Variants in KLF8 observed in about 807,000 individuals in gnomAD.
KLF8 encodes Krueppel-like factor 8.
In KLF8, 10 loss-of-function variants were observed where a neutral mutation model predicts 18.2. That is an observed-to-expected ratio of 0.55 (90% CI 0.34 to 0.93). The LOEUF (loss-of-function observed/expected upper bound fraction) is 0.93, where lower values mean the gene tolerates loss of function less well. Ranked by LOEUF, KLF8 falls within the 40% of genes least tolerant of loss-of-function variation. The probability of loss-of-function intolerance (pLI) is 0.02; values close to 1 mark genes in which losing one functional copy is unlikely to be tolerated. For missense variants in KLF8, 264 were observed against 277.9 expected (o/e 0.95, Z 0.36); for synonymous variants, 109 against 97.3 (o/e 1.12, Z -0.71).
At chrX:56,017,573 AG>A in the KLF8 span, among the ~76,000 whole-genome samples, 1 of 112,125 alleles carries the variant, frequency 8.9e-6, no homozygotes, top group African/African-American at 3.2e-5. Flanking sequence ...AAAGTGAGCA[AG>A]TATTCCCCCA....
At chrX:55,916,062 C>T in the KLF8 span, among the ~76,000 whole-genome samples, 4 of 111,670 alleles carry the variant, frequency 3.6e-5, no homozygotes, top group East Asian at 1.1e-3. Flanking sequence ...GTTCCAATTC[C>T]CAAATCACAA....
At chrX:55,949,118 T>C in the KLF8 span, among the ~76,000 whole-genome samples, 2 of 112,057 alleles carry the variant, frequency 1.8e-5, no homozygotes, top group Non-Finnish European at 3.8e-5. Context: ...GCAAGGCAAA[T>C]ACATCAAGAC....
At chrX:56,202,559 T>TCTCCC in the KLF8 span, among the ~76,000 whole-genome samples, 1 of 75,803 alleles carries the variant, frequency 1.3e-5, no homozygotes, top group Non-Finnish European at 2.6e-5. Context: ...CCATTAACCT[T>TCTCCC]CCCCCCCCCT....
At chrX:56,103,431 C>T in the KLF8 span, among the ~76,000 whole-genome samples, 19 of 111,439 alleles carry the variant, frequency 1.7e-4, no homozygotes, top group South Asian at 7.3e-3. Context: ...CTTCACATCC[C>T]TTGTTAGTTG....
the KLF8 span, chrX:56,014,817 GTTTTTTTTTTTTT>G: frequency 1.7e-5 from 1 of 59,348 alleles, no homozygotes; most frequent in African/African-American, 7.2e-5. Flanking sequence ...ACAAGATCAT[GTTTTTTTTTTTTT>G]TTTTTTTTTT....
At chrX:56,240,906 A>G (rs1336745220) in intron 1 of KLF8, among the ~76,000 whole-genome samples, 1 of 111,797 alleles carries the variant, frequency 8.9e-6, no homozygotes, top group Non-Finnish European at 1.9e-5. Context: ...AAAATTAAAT[A>G]TGTCCCATTA....
chrX:56,242,972 C>A, intron 1 of KLF8: 1 of 473,515 alleles, frequency 2.1e-6, no homozygotes, highest in Non-Finnish European at 3.9e-6. Context: ...ACATCCAAAG[C>A]ATTGTAATCA....
At chrX:56,090,681 A>G in the KLF8 span, among the ~76,000 whole-genome samples, 1 of 111,296 alleles carries the variant, frequency 9.0e-6, no homozygotes, top group East Asian at 2.8e-4. Flanking sequence ...TTCAGGGGGT[A>G]CCCATTCAGG....
the KLF8 span, among the ~76,000 whole-genome samples, chrX:56,159,015 A>C: frequency 1.2e-3 from 138 of 111,568 alleles, no homozygotes; most frequent in African/African-American, 3.9e-3. Flanking sequence ...ATGATATTGG[A>C]TGTGGGTTTG....
the KLF8 span, among the ~76,000 whole-genome samples, chrX:56,131,387 A>T: frequency 9.0e-6 from 1 of 111,672 alleles, no homozygotes; most frequent in African/African-American, 3.3e-5. Context: ...TCCAGTGAAA[A>T]TAAGCTTCAT....
rs1197998467 is a variant in KLF8, at chrX:56,288,654, A to T, written c.*4160A>T. Among the ~76,000 whole-genome samples the T allele has an allele frequency of 8.9e-6, 1 of 112,656 alleles. No homozygotes were observed. Among genetic ancestry groups the T allele is most frequent in the Non-Finnish European group, 1.9e-5 (1 of 53,382 alleles). ...TGTGCAATAGCATTATGTCTAAAAA[A>T]CAATGTACATACCTTATTTTAAAAT... is the stretch of plus-strand genomic sequence containing the variant. On this transcript the variant is annotated 3_prime_UTR_variant, in exon 6 of 6. Coordinates refer to ENST00000468660, the MANE Select transcript of KLF8 (RefSeq NM_007250.5).
At chrX:56,094,528 C>G in the KLF8 span, among the ~76,000 whole-genome samples, 7 of 110,374 alleles carry the variant, frequency 6.3e-5, no homozygotes, top group Non-Finnish European at 1.1e-4. Context: ...ATATTAATAT[C>G]CCTCTCTCAG....
At chrX:55,936,883 C>G in the KLF8 span, among the ~76,000 whole-genome samples, 6 of 111,984 alleles carry the variant, frequency 5.4e-5, no homozygotes, top group Admixed American at 5.7e-4. Context: ...CCGGGAAACT[C>G]GAACTGGGTG....
At chrX:55,993,928 T>A in the KLF8 span, among the ~76,000 whole-genome samples, 18 of 106,353 alleles carry the variant, frequency 1.7e-4, no homozygotes, top group African/African-American at 5.8e-4. Flanking sequence ...TTTTTTTTTT[T>A]TAGATGGAGT....
the KLF8 span, among the ~76,000 whole-genome samples, chrX:56,172,408 C>T: frequency 5.4e-5 from 6 of 111,311 alleles, no homozygotes; most frequent in Non-Finnish European, 7.5e-5. Flanking sequence ...TTTCCAGCTT[C>T]ATCCATGTCC....
At chrX:56,113,554 G>GTTTTTTTTTTTTT in the KLF8 span, among the ~76,000 whole-genome samples, 45 of 34,637 alleles carry the variant, frequency 1.3e-3, no homozygotes, top group Admixed American at 1.8e-3. Context: ...GGCAGGGATA[G>GTTTTTTTTTTTTT]TTTTTTTTTT....
the KLF8 span, among the ~76,000 whole-genome samples, chrX:55,910,128 C>T: frequency 8.9e-6 from 1 of 111,983 alleles, no homozygotes; most frequent in Non-Finnish European, 1.9e-5. Context: ...TTTTGAGTCC[C>T]TTCCTAGTTC....
the KLF8 span, among the ~76,000 whole-genome samples, chrX:56,057,911 G>A: frequency 5.5e-5 from 6 of 108,216 alleles, no homozygotes; most frequent in Admixed American, 4.0e-4. Context: ...GAGTGTCCAT[G>A]GTGGTTGAGA....
the KLF8 span, among the ~76,000 whole-genome samples, chrX:56,184,100 G>A: frequency 8.9e-6 from 1 of 112,669 alleles, no homozygotes; most frequent in Non-Finnish European, 1.9e-5. Context: ...CAAGGTGTCA[G>A]GGAGTTCCCT....
Sources: allele counts gnomAD v4.1 joint callset (sites outside exome capture counted in the v4.1 genomes callset), GRCh38; gene constraint gnomAD v4.1.1; transcripts MANE v1.5; gene names NCBI Gene and HGNC (gene_info 2026-07-23, HGNC 2026-07-21).